ADAM10: variants seen among roughly 807,000 people sequenced by gnomAD.
ADAM10 encodes ADAM metallopeptidase domain 10.
ADAM10 carries 17 observed loss-of-function variants against 90.1 expected under a neutral mutation model. The ratio of observed to expected loss-of-function variants is 0.19; its 90% CI spans 0.13 to 0.28. The LOEUF is 0.28. Ranked by LOEUF, ADAM10 falls within the 10% of genes least tolerant of loss-of-function variation. The pLI is 1.00. For synonymous variants in ADAM10, 310 were observed against 298.6 expected (o/e 1.04, Z -0.40); for missense variants, 610 against 914.3 (o/e 0.67, Z 4.29).
rs143666122 is a variant in ADAM10, at chr15:58,734,484, T to C, written c.55+14996A>G. Among the ~76,000 whole-genome samples the C allele has an allele frequency of 3.4e-3, 515 of 152,180 alleles. 7 individuals carry two copies. Among genetic ancestry groups the C allele is most frequent in the African/African-American group, 0.012 (479 of 41,520 alleles). On this transcript the variant is annotated intron_variant, in intron 1 of 15. Coordinates refer to ENST00000260408, the MANE Select transcript of ADAM10 (RefSeq NM_001110.4). The stretch of plus-strand genomic sequence containing the variant: ...AAGGTAAGTCACCATATTTCTGATA[T>C]GACAAAAAACTGAAAAGACAGCCTG...
At chr15:58,622,250 A>T (rs1477640992) in intron 10 of ADAM10, among the ~76,000 whole-genome samples, 1 of 152,196 alleles carries the variant, frequency 6.6e-6, no homozygotes, top group Non-Finnish European at 1.5e-5. Flanking sequence ...AATAACCATG[A>T]TCATATCTAA....
At chr15:58,717,255 T>C (rs540443866) in intron 2 of ADAM10, among the ~76,000 whole-genome samples, 1 of 152,280 alleles carries the variant, frequency 6.6e-6, no homozygotes, top group South Asian at 2.1e-4. Context: ...CACCAGTAGA[T>C]AGATATATTG....
intron 5 of ADAM10, among the ~76,000 whole-genome samples, chr15:58,657,673 G>A (rs1035705498): frequency 1.3e-5 from 2 of 151,974 alleles, no homozygotes; most frequent in Non-Finnish European, 2.9e-5. Flanking sequence ...CCTATCTCTG[G>A]ATCCATTCTC....
intron 2 of ADAM10, among the ~76,000 whole-genome samples, chr15:58,698,614 G>A (rs746988405): frequency 6.9e-6 from 1 of 145,582 alleles, no homozygotes; most frequent in Non-Finnish European, 1.5e-5. Flanking sequence ...TCATAAAAAA[G>A]AACGAAATGC....
intron 2 of ADAM10, chr15:58,691,211 G>A: frequency 1.3e-6 from 1 of 781,620 alleles, no homozygotes; most frequent in Non-Finnish European, 2.3e-6. Flanking sequence ...GCCTGCAGAG[G>A]TTCTCAAACT....
chr15:58,729,575 A>G (rs1899155904), intron 1 of ADAM10, among the ~76,000 whole-genome samples: 1 of 152,210 alleles, frequency 6.6e-6, no homozygotes, highest in Non-Finnish European at 1.5e-5. Context: ...AAATTCCGTG[A>G]CTTCTACCAG....
chr15:58,740,400 C>T (rs1317290745), intron 1 of ADAM10, among the ~76,000 whole-genome samples: 2 of 145,602 alleles, frequency 1.4e-5, no homozygotes, highest in Admixed American at 1.4e-4. Flanking sequence ...CAGCGCGAGA[C>T]TCTGTCTCTA....
chr15:58,717,510 A>C, intron 2 of ADAM10, 67 bp downstream of exon 2: 1 of 1,591,180 alleles, frequency 6.3e-7, no homozygotes, highest in East Asian at 2.2e-5. Context: ...TAAGGATATA[A>C]ATCTCCTCTT....
chr15:58,662,958 G>A (rs1489319463), intron 5 of ADAM10, among the ~76,000 whole-genome samples: 13 of 152,020 alleles, frequency 8.6e-5, no homozygotes, highest in African/African-American at 2.2e-4. Flanking sequence ...CTGAAATTTC[G>A]ACTCCAGCCA....
chr15:58,749,572 G>A lies in ADAM10; in HGVS notation c.-38C>T, dbSNP rs201191627. ...CTGCCGCCGCCGCCGCCTCCTCACG[G>A]GTTAACAGCAGCACATCGATCCGGA... On this transcript the variant is annotated 5_prime_UTR_variant, in exon 1 of 16. Coordinates refer to ENST00000260408, the MANE Select transcript of ADAM10 (RefSeq NM_001110.4). 128 of 1,548,964 alleles carry A rather than the reference G, an allele frequency of 8.3e-5. 1 individual carries two copies. The African/African-American group carries it at 1.6e-3, about 19-fold the overall frequency.
intron 14 of ADAM10, among the ~76,000 whole-genome samples, chr15:58,601,404 T>C (rs375935721): frequency 2.5e-4 from 38 of 152,052 alleles, no homozygotes; most frequent in Non-Finnish European, 4.7e-4. Context: ...GAGGTTACAG[T>C]GAGCCGAGAT....
At chr15:58,741,111 TCAAATG>T (rs2140849503) in intron 1 of ADAM10, among the ~76,000 whole-genome samples, 1 of 152,342 alleles carries the variant, frequency 6.6e-6, no homozygotes, top group East Asian at 1.9e-4. Context: ...AATTCAAAGT[TCAAATG>T]TATGCACACG....
intron 5 of ADAM10, 126 bp from the exon 6 acceptor site, chr15:58,646,330 C>G: frequency 1.0e-6 from 1 of 977,550 alleles, no homozygotes; most frequent in South Asian, 1.5e-5. Context: ...ATTTCTGCTG[C>G]CATTAAAAGT....
chr15:58,643,864 T>C (rs773007332), intron 7 of ADAM10, 22 bp downstream of exon 7: 1 of 1,558,606 alleles, frequency 6.4e-7, no homozygotes, highest in Non-Finnish European at 8.9e-7. Context: ...TTTAAGTGTT[T>C]TTAACTATTT....
At chr15:58,679,624 C>G (rs894584889) in intron 3 of ADAM10, among the ~76,000 whole-genome samples, 9 of 152,050 alleles carry the variant, frequency 5.9e-5, no homozygotes, top group Non-Finnish European at 2.9e-5. Context: ...GTAAATTGGC[C>G]CAGCACAGTG....
chr15:58,610,539 T>G, intron 13 of ADAM10, 22 bp from the exon 14 acceptor site: 1 of 1,603,722 alleles, frequency 6.2e-7, no homozygotes, highest in Non-Finnish European at 8.5e-7. Context: ...ATGCCAAATA[T>G]AAGCTGAAGG....
intron 1 of ADAM10, among the ~76,000 whole-genome samples, chr15:58,744,943 G>T (rs951269183): frequency 6.6e-6 from 1 of 152,228 alleles, no homozygotes; most frequent in Non-Finnish European, 1.5e-5. Flanking sequence ...AGCACTTTGG[G>T]AGGCCAAGGC....
intron 2 of ADAM10, among the ~76,000 whole-genome samples, chr15:58,715,731 G>A (rs1470247060): frequency 1.3e-5 from 2 of 152,080 alleles, no homozygotes; most frequent in Admixed American, 6.6e-5. Context: ...AAACTCTCTC[G>A]CTTTCCCTGC....
At chr15:58,639,067 T>G (rs1287867279) in intron 8 of ADAM10, among the ~76,000 whole-genome samples, 1 of 149,520 alleles carries the variant, frequency 6.7e-6, no homozygotes, top group Non-Finnish European at 1.5e-5. Context: ...TAACTGAAAA[T>G]GCAAAATGGC....
Sources: gnomAD v4.1 joint callset for allele counts (sites outside exome capture counted in the v4.1 genomes callset) on GRCh38, gnomAD v4.1.1 for gene constraint, MANE v1.5 for transcripts, NCBI Gene and HGNC (gene_info 2026-07-23, HGNC 2026-07-21) for gene names.